The following DHODH variants were observed in gnomAD, a reference collection of about 807,000 sequenced individuals.
The protein encoded by DHODH is dihydroorotate dehydrogenase (quinone), mitochondrial.
DHODH carries 30 observed loss-of-function variants against 39.7 expected under a neutral mutation model. That is an observed-to-expected ratio of 0.76 (90% CI 0.57 to 1.02). The LOEUF is 1.02. Ranked by LOEUF, DHODH falls within the 50% of genes least tolerant of loss-of-function variation. The pLI, the probability that DHODH is intolerant of heterozygous loss-of-function variation, is 0.00. For missense variants in DHODH, 531 were observed against 520.8 expected (o/e 1.02, Z -0.19); for synonymous variants, 222 against 213.8 (o/e 1.04, Z -0.34).
At chr16:72,023,749 G>C (rs2041249938) in intron 8 of DHODH, 116 bp downstream of exon 8, 3 of 1,447,914 alleles carry the variant, frequency 2.1e-6, no homozygotes, top group African/African-American at 2.8e-5. Flanking sequence ...GAGTTGAGGG[G>C]TACACTCTGA....
intron 2 of DHODH, among the ~76,000 whole-genome samples, chr16:72,013,161 C>T (rs2041103329): frequency 1.4e-5 from 2 of 147,258 alleles, no homozygotes; most frequent in South Asian, 2.1e-4. Flanking sequence ...ACCTTAGACT[C>T]CTCTTCACTA....
rs373893426 is a variant in DHODH at position 72,022,409 on chromosome 16, C to A, written c.753C>A (p.Val251=). The change falls in exon 6 of 9, where the codon GTC becomes GTA. Residue 251 remains valine, a synonymous_variant. Transcript: ENST00000219240. ...DGLRRVHRPA[V]LVKIAPDLTS... ...TGCGGAGAGTGCACAGGCCGGCAGT[C>A]CTGGTGAAGATCGCTCCTGACCTCA... 440 of 1,557,846 alleles carry A rather than the reference C, an allele frequency of 2.8e-4. No individual in the cohort carries two copies. The highest frequency in any genetic ancestry group is 3.6e-4 in the Non-Finnish European group (412 of 1,150,596).
At chr16:72,013,428 C>G (rs1479574505) in intron 2 of DHODH, among the ~76,000 whole-genome samples, 1 of 152,178 alleles carries the variant, frequency 6.6e-6, no homozygotes, top group Non-Finnish European at 1.5e-5. Flanking sequence ...CAGAGACAGG[C>G]AAACCTGACC....
intron 4 of DHODH, among the ~76,000 whole-genome samples, chr16:72,020,812 A>G (rs932706165): frequency 2.6e-5 from 4 of 152,156 alleles, no homozygotes; most frequent in African/African-American, 9.7e-5. Context: ...TCAATTTATG[A>G]GGCCCATCTT....
rs573654196 is a variant in DHODH, at chr16:72,014,834, G to A, written c.434+162G>A. 2.5e-3 allele frequency among the ~76,000 whole-genome samples: 384 copies of A among 152,322 alleles called. 1 individual carries two copies. Among genetic ancestry groups the A allele is most frequent in the South Asian group, 5.0e-3 (24 of 4,832 alleles). On this transcript the variant is annotated intron_variant, in intron 3 of 8. Coordinates refer to ENST00000219240, the MANE Select transcript of DHODH (RefSeq NM_001361.5). ...TGTTCAGCATCTACTATGTGCCCCAGGCATCTATCTTGAAAAGCATGCTTT... is the reference window on the plus strand; with the variant it reads ...TGTTCAGCATCTACTATGTGCCCCAAGCATCTATCTTGAAAAGCATGCTTT...
intron 4 of DHODH, among the ~76,000 whole-genome samples, chr16:72,017,602 T>A (rs1397730968): frequency 1.3e-5 from 2 of 152,172 alleles, no homozygotes; most frequent in Non-Finnish European, 1.5e-5. Context: ...GGGAAAATAT[T>A]CTTCATGAGT....
At chr16:72,020,372 T>TATATATATGTATATATATATATATATA (rs746414347) in intron 4 of DHODH, 4 of 70,886 alleles carry the variant, frequency 5.6e-5, no homozygotes, top group African/African-American at 2.0e-4. Context: ...TATATATATA[T>TATATATATGTATATATATATATATATA]TTTTTTTTTT....
At chr16:72,009,622 T>C (rs1309783155) in intron 1 of DHODH, among the ~76,000 whole-genome samples, 1 of 151,778 alleles carries the variant, frequency 6.6e-6, no homozygotes, top group African/African-American at 2.4e-5. Context: ...TTTCTTTTTA[T>C]ATGTTTATTT....
At chr16:72,010,934 C>T (rs1323305006) in intron 1 of DHODH, among the ~76,000 whole-genome samples, 1 of 152,060 alleles carries the variant, frequency 6.6e-6, no homozygotes, top group Non-Finnish European at 1.5e-5. Flanking sequence ...CTATGTTCCC[C>T]AGGCTGGTCT....
rs2041255597 is a variant in DHODH, at chr16:72,024,209, C to T, written c.*10C>T. ...AGATCATCGGAGGTGAGGACAGCGT[C>T]TGACGGGAAGCCTGATCTGGAACCT... is the stretch of plus-strand genomic sequence containing the variant. On this transcript the variant is annotated 3_prime_UTR_variant, in exon 9 of 9. Coordinates refer to ENST00000219240, the MANE Select transcript of DHODH (RefSeq NM_001361.5). 1.2e-5 allele frequency: 20 copies of T among 1,614,134 alleles called. No individual in the cohort carries two copies. The highest frequency in any genetic ancestry group is 1.7e-5 in the Non-Finnish European group (20 of 1,180,000).
At chr16:72,023,033 T>A in intron 6 of DHODH, 132 bp from the exon 7 acceptor site, 1 of 825,984 alleles carries the variant, frequency 1.2e-6, no homozygotes, top group Non-Finnish European at 2.0e-6. Context: ...AGTAGTGAGG[T>A]CTGGTGTAGC....
intron 2 of DHODH, among the ~76,000 whole-genome samples, chr16:72,014,091 T>G (rs1192884131): frequency 6.6e-6 from 1 of 152,152 alleles, no homozygotes; most frequent in Non-Finnish European, 1.5e-5. Flanking sequence ...ATCTAGGGCC[T>G]GACACCAGCG....
chr16:72,021,419 G>A lies in DHODH; in HGVS notation c.705+108G>A, dbSNP rs548972726. 8.8e-6 allele frequency: 11 copies of A among 1,243,624 alleles called. No homozygotes were observed. The African/African-American group carries it at 1.6e-4, about 18-fold the overall frequency. The allele number at this position is 1,243,624 out of a possible 1,614,324, so 77.0% of individuals were successfully genotyped here. ...GCATCACCCTCAGAAGCTGTCCTTA[G>A]CACCTAGACCAGTAGGACCCCTGGC... is the stretch of plus-strand genomic sequence containing the variant. On this transcript the variant is annotated intron_variant, in intron 5 of 8. Coordinates refer to ENST00000219240, the MANE Select transcript of DHODH (RefSeq NM_001361.5).
intron 3 of DHODH, among the ~76,000 whole-genome samples, chr16:72,015,016 C>G (rs187660461): frequency 6.6e-6 from 1 of 152,164 alleles, no homozygotes; most frequent in Non-Finnish European, 1.5e-5. Flanking sequence ...AATGCTCTTA[C>G]TCGACACTGT....
Position 72,021,221 on chromosome 16 carries a change from C to A in DHODH, c.615C>A (p.Ala205=). The A allele has an allele frequency of 6.2e-7, 1 of 1,612,398 alleles. No individual in the cohort carries two copies. The highest frequency in any genetic ancestry group is 8.5e-7 in the Non-Finnish European group (1 of 1,179,452). ...AEGVRVLGPL[A]DYLVVNVSSP... is the part of the protein sequence containing the mutation. ...GGGTGCGCGTACTGGGCCCCCTGGC[C>A]GACTACCTGGTGGTGAATGTGTCCA... Residue 205 remains alanine (A), a synonymous_variant, in exon 5 of 9, where the codon GCC becomes GCA. Coordinates refer to ENST00000219240, the MANE Select transcript of DHODH (RefSeq NM_001361.5).
chr16:72,022,342 C>A lies in DHODH; in HGVS notation c.706-20C>A. 6.5e-7 allele frequency: 1 copy of A among 1,546,036 alleles called. No individual in the cohort carries two copies. Among genetic ancestry groups the A allele is most frequent in the Non-Finnish European group, 8.7e-7 (1 of 1,143,576 alleles). ...GCTGTGGTCTGCGGGGTCCCCAGCT[C>A]TGGCCGTGTGTCGCCCTAGGTGCTG... is the stretch of plus-strand genomic sequence containing the variant. On this transcript the variant is annotated intron_variant, in intron 5 of 8. Coordinates refer to ENST00000219240, the MANE Select transcript of DHODH (RefSeq NM_001361.5).
In DHODH at chr16:72,023,595, T is replaced by C. The variant is rs895999029; in HGVS notation, c.1095T>C (p.Val365=). The C allele has an allele frequency of 6.2e-7, 1 of 1,614,090 alleles. No homozygotes were observed. Among genetic ancestry groups the C allele is most frequent in the Non-Finnish European group, 8.5e-7 (1 of 1,180,030 alleles). The change falls in exon 8 of 9, where the codon GTT becomes GTC. Residue 365 remains valine (V), a synonymous_variant. Transcript: ENST00000219240. ...CCCTCACCTTCTGGGGGCCACCCGT[T>C]GTGGGCAAAGTCAAGCGGGAACTGG... The part of the protein sequence containing the change: ...YTALTFWGPP[V]VGKVKRELEA...
rs1237824897 is a variant in DHODH, at chr16:72,027,208, A to G, written c.*3009A>G. On this transcript the variant is annotated 3_prime_UTR_variant, in exon 9 of 9. Transcript: ENST00000219240. The stretch of plus-strand genomic sequence containing the variant: ...GAGACAGGGTTTCACCGTGTTAGCC[A>G]GGATGGTTCGATCTCCTGACCTCAT... The G allele has an allele frequency of 2.0e-5, 3 of 152,226 alleles. No homozygotes were observed. The highest frequency in any genetic ancestry group is 4.4e-5 in the Non-Finnish European group (3 of 68,148). 9.4% of individuals were successfully genotyped at this position (152,226 alleles called of 1,614,324 possible).
chr16:72,017,114 G>T lies in DHODH; in HGVS notation c.517+8G>T. ...AGGCCAAGCTCACAGAAGGTAAAGT[G>T]GGGTTGTGTCAGTGGGCCTTTCTTA... On this transcript the variant is annotated splice_region_variant and intron_variant, in intron 4 of 8. Coordinates refer to ENST00000219240, the MANE Select transcript of DHODH (RefSeq NM_001361.5). 1 of 1,613,776 alleles carries T rather than the reference G, an allele frequency of 6.2e-7. No individual in the cohort carries two copies. Among genetic ancestry groups the T allele is most frequent in the Non-Finnish European group, 8.5e-7 (1 of 1,179,758 alleles).
Sources: allele counts gnomAD v4.1 joint callset (sites outside exome capture counted in the v4.1 genomes callset), GRCh38; gene constraint gnomAD v4.1.1; transcripts MANE v1.5; gene names NCBI Gene and HGNC (gene_info 2026-07-23, HGNC 2026-07-21).